The following ZYX variants were observed in gnomAD, a reference collection of about 807,000 sequenced individuals.
ZYX encodes the protein zyxin, also known as zyxin-2.
A neutral mutation model predicts 58.1 loss-of-function variants in ZYX; 37 were observed. The observed-to-expected ratio is 0.64, with a 90% CI of 0.49 to 0.84. The LOEUF is 0.84. Ranked by LOEUF, ZYX falls within the 40% of genes least tolerant of loss-of-function variation. The pLI is 0.00. For missense variants in ZYX, 762 were observed against 761.6 expected, an observed-to-expected ratio of 1.00 and a Z score of -0.01; for synonymous variants, 324 against 321.1, an observed-to-expected ratio of 1.01 and a Z score of -0.10.
In ZYX at chr7:143,382,925, TGCC is replaced by T; in HGVS notation, c.627_629del (p.Pro210del). ...AAGTCCCCTTCCAGCTCCCAGCCTC[TGCC>T]CCAGGTTCCGGCTCCGGCTCAGAGC... is the stretch of plus-strand genomic sequence containing the variant. On this transcript the variant is annotated inframe_deletion, in exon 5 of 10. Transcript: ENST00000322764. The T allele has an allele frequency of 6.2e-7, 1 of 1,614,066 alleles. No homozygotes were observed. The highest frequency in any genetic ancestry group is 1.7e-5 in the Admixed American group (1 of 60,008).
At chr7:143,381,483 C>T (rs1021250174) in intron 1 of ZYX, 74 bp downstream of exon 1, 1 of 1,408,990 alleles carries the variant, frequency 7.1e-7, no homozygotes, top group Non-Finnish European at 9.3e-7. Context: ...GAGTGGGGGT[C>T]ACCAAGGGGA....
Position 143,382,637 on chromosome 7 carries a change from G to T in ZYX, c.453G>T (p.Leu151=). Residue 151 remains leucine, a synonymous_variant, in exon 4 of 10, where the codon CTG becomes CTT. Transcript: ENST00000322764. ...VSSIDLEIDS[L]SSLLDDMTKN... is the part of the protein sequence containing the mutation. ...GTATTGATTTGGAGATCGACTCTCT[G>T]TCCTCACTGCTGGATGACATGACCA... 2 of 1,614,096 alleles carry T rather than the reference G, an allele frequency of 1.2e-6. No homozygotes were observed. The highest frequency in any genetic ancestry group is 2.2e-5 in the South Asian group (2 of 91,082).
Position 143,388,563 on chromosome 7 carries a change from A to G in ZYX, c.1219A>G (p.Ile407Val). Residue 407 changes from isoleucine (I) to valine (V), a missense_variant, in exon 7 of 10, where the codon ATC becomes GTC. Ile to Val is a conservative substitution (Grantham distance 29, BLOSUM62 3). Coordinates refer to ENST00000322764, the MANE Select transcript of ZYX (RefSeq NM_003461.5). This position sits in a 1 kb window ranked among gnomAD's most constrained non-coding sequence, Gnocchi z 7.5. ...AVRALGQLFH[I>V]ACFTCHQCAQ... ...CCGCGCTCTAGGGCAGCTGTTCCAC[A>G]TCGCCTGCTTCACCTGCCACCAGTG... is the stretch of plus-strand genomic sequence containing the variant. 6.2e-7 allele frequency: 1 copy of G among 1,611,888 alleles called. No individual in the cohort carries two copies. Among genetic ancestry groups the G allele is most frequent in the Non-Finnish European group, 8.5e-7 (1 of 1,179,952 alleles).
At position 143,381,554 on chromosome 7, in the gene ZYX, CA is replaced by C; in HGVS notation, c.-15-2del. On this transcript the variant is annotated splice_acceptor_variant, in intron 1 of 9. Transcript: ENST00000322764. LOFTEE classifies it low-confidence loss of function (5UTR_SPLICE). ...CGCTGCGTAACCCGGCGACCCACCC[CA>C]GCAGCCCGGCCCGGCCATGGCGGCC... is the stretch of plus-strand genomic sequence containing the variant. The C allele has an allele frequency of 2.5e-6, 4 of 1,606,098 alleles. No individual in the cohort carries two copies. Among genetic ancestry groups the C allele is most frequent in the South Asian group, 1.1e-5 (1 of 90,372 alleles).
At chr7:143,383,361 A>C in intron 5 of ZYX, 39 bp downstream of exon 5, 1 of 1,551,190 alleles carries the variant, frequency 6.4e-7, no homozygotes, top group South Asian at 1.2e-5. Context: ...GTACCAGGGC[A>C]CTGGGGCGGG....
In ZYX at chr7:143,389,004, G is replaced by A; in HGVS notation, c.1493+59G>A. ...GCGTGCTTGGTCTGGTAGCCCGGCT[G>A]CTTGCTACCCTAGCCTCAGGACAGC... is the stretch of plus-strand genomic sequence containing the variant. On this transcript the variant is annotated intron_variant, in intron 8 of 9. Transcript: ENST00000322764. This position sits in a 1 kb window ranked among gnomAD's most constrained non-coding sequence, Gnocchi z 5.6. 3.9e-6 allele frequency: 6 copies of A among 1,551,964 alleles called. No homozygotes were observed. The highest frequency in any genetic ancestry group is 4.4e-6 in the Non-Finnish European group (5 of 1,147,468).
rs370980655 is a variant in ZYX at position 143,383,191 on chromosome 7, C to A, written c.892C>A (p.His298Asn). The A allele has an allele frequency of 1.7e-5, 27 of 1,614,204 alleles. No individual in the cohort carries two copies. The East Asian group carries it at 2.0e-4, about 12-fold the overall frequency. Residue 298 changes from histidine (H) to asparagine (N), a missense_variant, in exon 5 of 10, where the codon CAC becomes AAC. By Grantham distance (68) the His-to-Asn change is moderately conservative. Transcript: ENST00000322764. The stretch of plus-strand genomic sequence containing the variant: ...GTCACAACCAAATCAAAAATTGGGG[C>A]ACCCCGAAGCTCTTTCTGCTGGCAC... ...SGSQPNQKLG[H>N]PEALSAGTGS... is the part of the protein sequence containing the mutation.
In ZYX at chr7:143,390,539, C is replaced by A. The variant is rs896244621; in HGVS notation, c.1615-39C>A. On this transcript the variant is annotated intron_variant, in intron 9 of 9. Coordinates refer to ENST00000322764, the MANE Select transcript of ZYX (RefSeq NM_003461.5). The surrounding 1 kb of genome is among the most constrained non-coding windows in gnomAD (Gnocchi z 4.3). ...GGGGTAGGGTGGAGCAGAGCAGGGG[C>A]CTTCCGGTCCAGTGCCCCTCACCCT... 2 of 1,460,338 alleles carry A rather than the reference C, an allele frequency of 1.4e-6. No homozygotes were observed. The highest frequency in any genetic ancestry group is 1.4e-5 in the African/African-American group (1 of 71,424). The allele number at this position is 1,460,338 out of a possible 1,614,324, so 90.5% of individuals were successfully genotyped here. A position where few individuals can be genotyped will look rare whatever the true frequency, so the allele number is the denominator to read the frequency against.
Position 143,383,313 on chromosome 7 carries a change from C to A in ZYX, c.1014C>A (p.Asn338Lys). ...ACCCCGTGCCCCCACCGGCTCAGAA[C>A]CAAAACCAGGTGAGGGATGGTGATA... The part of the protein sequence containing the change: ...KQHPVPPPAQ[N>K]QNQVRSPGAP... The change falls in exon 5 of 10, where the codon AAC becomes AAA. Residue 338 changes from asparagine to lysine, a missense_variant. Asn to Lys is a moderately conservative substitution (Grantham distance 94). Transcript: ENST00000322764. 1 of 1,602,328 alleles carries A rather than the reference C, an allele frequency of 6.2e-7. No individual in the cohort carries two copies. The highest frequency in any genetic ancestry group is 2.2e-5 in the East Asian group (1 of 44,850).
Position 143,388,513 on chromosome 7 carries a change from C to T in ZYX, c.1169C>T (p.Pro390Leu), listed in dbSNP as rs111867630. The T allele has an allele frequency of 1.9e-6, 3 of 1,610,344 alleles. No individual in the cohort carries two copies. The highest frequency in any genetic ancestry group is 1.3e-5 in the African/African-American group (1 of 75,036). ...VNELCGRCHQ[P>L]LARAQPAVRA... ...GAACTCTGCGGCCGATGCCATCAAC[C>T]CCTGGCCCGGGCGCAGCCAGCCGTC... Residue 390 changes from proline (P) to leucine (L), a missense_variant, in exon 7 of 10, where the codon CCC becomes CTC. Coordinates refer to ENST00000322764, the MANE Select transcript of ZYX (RefSeq NM_003461.5). This position sits in a 1 kb window ranked among gnomAD's most constrained non-coding sequence, Gnocchi z 7.5.
In ZYX at chr7:143,384,575, C is replaced by G. The variant is rs143987695; in HGVS notation, c.1023+1253C>G. 2.6e-5 allele frequency among the ~76,000 whole-genome samples: 4 copies of G among 151,864 alleles called. No individual in the cohort carries two copies. Among genetic ancestry groups the G allele is most frequent in the African/African-American group, 9.7e-5 (4 of 41,328 alleles). On this transcript the variant is annotated intron_variant, in intron 5 of 9. Transcript: ENST00000322764. The surrounding 1 kb of genome is among the most constrained non-coding windows in gnomAD (Gnocchi z 4.9). ...AGTTTCACCAGCAGAGATGTGTATT[C>G]GAGGGAGGTCAGTGATGGGTGTGAA...
Position 143,381,582 on chromosome 7 carries a change from C to A in ZYX, c.11C>A (p.Pro4His). The A allele has an allele frequency of 2.5e-6, 4 of 1,610,500 alleles. No homozygotes were observed. The highest frequency in any genetic ancestry group is 3.4e-6 in the Non-Finnish European group (4 of 1,178,824). MAA[P>H]RPSPAISVSV... is the part of the protein sequence containing the mutation. The stretch of plus-strand genomic sequence containing the variant: ...CAGCCCGGCCCGGCCATGGCGGCCC[C>A]CCGCCCGTCTCCCGCGATCTCCGTT... Residue 4 changes from proline to histidine, a missense_variant, in exon 2 of 10, where the codon CCC becomes CAC. Transcript: ENST00000322764.
intron 5 of ZYX, among the ~76,000 whole-genome samples, chr7:143,386,500 T>C (rs1403667722): frequency 1.3e-5 from 2 of 152,004 alleles, no homozygotes. Context: ...TGCAGTGTTG[T>C]GAGCTCACGC....
Position 143,381,685 on chromosome 7 carries a change from C to A in ZYX, c.114C>A (p.Pro38=). 6.2e-7 allele frequency: 1 copy of A among 1,609,526 alleles called. No individual in the cohort carries two copies. The highest frequency in any genetic ancestry group is 8.5e-7 in the Non-Finnish European group (1 of 1,178,366). The part of the protein sequence containing the change: ...PVVAPKPKVN[P]FRPGDSEPPP... ...TGGCCCCAAAGCCCAAAGTGAATCC[C>A]TTCCGGCCCGGGGACAGCGAGCCTC... The change falls in exon 2 of 10, where the codon CCC becomes CCA. Residue 38 remains proline (P), a synonymous_variant. Coordinates refer to ENST00000322764, the MANE Select transcript of ZYX (RefSeq NM_003461.5).
In ZYX at chr7:143,389,393, CAG is replaced by C. The variant is rs1804989376; in HGVS notation, c.1493+451_1493+452del. On this transcript the variant is annotated intron_variant, in intron 8 of 9. Transcript: ENST00000322764. This position sits in a 1 kb window ranked among gnomAD's most constrained non-coding sequence, Gnocchi z 5.6. Reference sequence around the variant, plus strand: ...TGCAGAATCTGACCCCCACCTCTGACAGAGTGTTTGGGTAAACACTTTCAGGA... The same window carrying C: ...TGCAGAATCTGACCCCCACCTCTGACAGTGTTTGGGTAAACACTTTCAGGA... Among the ~76,000 whole-genome samples the C allele has an allele frequency of 6.6e-6, 1 of 152,212 alleles. No individual in the cohort carries two copies. The highest frequency in any genetic ancestry group is 1.5e-5 in the Non-Finnish European group (1 of 68,038).
In ZYX at chr7:143,381,693, C is replaced by T. The variant is rs1279615804; in HGVS notation, c.122C>T (p.Pro41Leu). 1 of 1,607,298 alleles carries T rather than the reference C, an allele frequency of 6.2e-7. No homozygotes were observed. Among genetic ancestry groups the T allele is most frequent in the South Asian group, 1.1e-5 (1 of 90,386 alleles). ...APKPKVNPFR[P>L]GDSEPPPAPG... The stretch of plus-strand genomic sequence containing the variant: ...AAGCCCAAAGTGAATCCCTTCCGGC[C>T]CGGGGACAGCGAGCCTCCCCCGGCA... Residue 41 changes from proline to leucine, a missense_variant, in exon 2 of 10, where the codon CCC becomes CTC. Pro to Leu is a moderately conservative substitution (Grantham distance 98, BLOSUM62 -3). Transcript: ENST00000322764.
chr7:143,388,681 G>A lies in ZYX; in HGVS notation c.1314+23G>A. 1 of 1,611,400 alleles carries A rather than the reference G, an allele frequency of 6.2e-7. No homozygotes were observed. The highest frequency in any genetic ancestry group is 1.3e-5 in the African/African-American group (1 of 74,962). On this transcript the variant is annotated intron_variant, in intron 7 of 9. Coordinates refer to ENST00000322764, the MANE Select transcript of ZYX (RefSeq NM_003461.5). This position sits in a 1 kb window ranked among gnomAD's most constrained non-coding sequence, Gnocchi z 7.5. Reference sequence around the variant, plus strand: ...ACTGTGAGTCGGGCTGTGCTGGGCTGTGCTGGGCTGTGCTGGGCAGTCGGG... The same window carrying A: ...ACTGTGAGTCGGGCTGTGCTGGGCTATGCTGGGCTGTGCTGGGCAGTCGGG...
At position 143,390,420 on chromosome 7, in the gene ZYX, A is replaced by C. The variant is rs2116601127; in HGVS notation, c.1615-158A>C. The stretch of plus-strand genomic sequence containing the variant: ...CCTAGTGGGTGACTGGAAGTAGGAT[A>C]GGGATGGGGAGTTGGGTGTGGCTGG... On this transcript the variant is annotated intron_variant, in intron 9 of 9. Transcript: ENST00000322764. This position sits in a 1 kb window ranked among gnomAD's most constrained non-coding sequence, Gnocchi z 4.3. 2 of 627,924 alleles carry C rather than the reference A, an allele frequency of 3.2e-6. No homozygotes were observed. The highest frequency in any genetic ancestry group is 2.8e-6 in the Non-Finnish European group (1 of 353,618). 38.9% of individuals were successfully genotyped at this position (627,924 alleles called of 1,614,324 possible).
chr7:143,381,770 C>G lies in ZYX; in HGVS notation c.199C>G (p.Pro67Ala). Residue 67 changes from proline (P) to alanine (A), a missense_variant, in exon 2 of 10, where the codon CCC becomes GCC. Pro to Ala is a conservative substitution (Grantham distance 27). Coordinates refer to ENST00000322764, the MANE Select transcript of ZYX (RefSeq NM_003461.5). ...MGRVGEIPPP[P>A]PEDFPLPPPP... The stretch of plus-strand genomic sequence containing the variant: ...CCGGGTGGGCGAGATTCCCCCGCCG[C>G]CCCCGGAAGGTATGCGGCGGGGCTT... 1 of 1,575,378 alleles carries G rather than the reference C, an allele frequency of 6.3e-7. No homozygotes were observed. The highest frequency in any genetic ancestry group is 8.6e-7 in the Non-Finnish European group (1 of 1,160,884).
Sources: allele counts gnomAD v4.1 joint callset (sites outside exome capture counted in the v4.1 genomes callset), GRCh38; gene constraint gnomAD v4.1.1; non-coding constraint Gnocchi (gnomAD v3.1); transcripts MANE v1.5; gene names NCBI Gene and HGNC (gene_info 2026-07-23, HGNC 2026-07-21).